The following MAT1A variants were observed in gnomAD, a reference collection of about 807,000 sequenced individuals.
MAT1A encodes the protein S-adenosylmethionine synthase isoform type-1.
In MAT1A, 19 loss-of-function variants were observed where a neutral mutation model predicts 44.0. That is an observed-to-expected ratio of 0.43 (90% confidence interval 0.30 to 0.63). The LOEUF (loss-of-function observed/expected upper bound fraction) is 0.63. Ranked by LOEUF, MAT1A falls within the 30% of genes least tolerant of loss-of-function variation. The probability of loss-of-function intolerance (pLI) is 0.12; values close to 1 mark genes in which losing one functional copy is unlikely to be tolerated. For synonymous variants in MAT1A, 205 were observed against 205.6 expected (o/e 1.00, Z 0.03); for missense variants, 397 against 531.0 (o/e 0.75, Z 2.48).
At chr10:80,278,882 C>G (rs1841523868) in intron 5 of MAT1A, among the ~76,000 whole-genome samples, 1 of 152,112 alleles carries the variant, frequency 6.6e-6, no homozygotes, top group Admixed American at 6.5e-5. Flanking sequence ...GGATGGCATC[C>G]CAAAAGAGGT....
intron 5 of MAT1A, among the ~76,000 whole-genome samples, chr10:80,278,933 A>C (rs1199766632): frequency 6.6e-6 from 1 of 152,244 alleles, no homozygotes; most frequent in Non-Finnish European, 1.5e-5. Flanking sequence ...AAGACCAGAG[A>C]GGGAGCTCAG....
rs150917858 is a variant in MAT1A at position 80,283,483 on chromosome 10, C to T, written c.292+433G>A. 3.9e-5 allele frequency among the ~76,000 whole-genome samples: 6 copies of T among 152,366 alleles called. No individual in the cohort carries two copies. In the East Asian group the frequency reaches 7.7e-4, roughly 20 times the overall value. On this transcript the variant is annotated intron_variant, in intron 3 of 8. Coordinates refer to ENST00000372213, the MANE Select transcript of MAT1A (RefSeq NM_000429.3). Reference sequence around the variant, plus strand: ...GTCCTCAGCCTAGTGGCTGCTTACCCTGTGATCTCACACAGACTGTTTACC... The same window carrying T: ...GTCCTCAGCCTAGTGGCTGCTTACCTTGTGATCTCACACAGACTGTTTACC...
intron 1 of MAT1A, among the ~76,000 whole-genome samples, 199 bp from the exon 2 acceptor site, chr10:80,285,788 C>T (rs190927365): frequency 7.9e-5 from 12 of 151,464 alleles, no homozygotes; most frequent in East Asian, 5.8e-4. Flanking sequence ...TTGGATGACA[C>T]GTATTATATA....
chr10:80,280,816 A>G, intron 3 of MAT1A, 24 bp from the exon 4 acceptor site: 2 of 1,570,954 alleles, frequency 1.3e-6, no homozygotes, highest in Non-Finnish European at 1.8e-6. Context: ...AAGTGAGCCT[A>G]AGTGGGGAAC....
chr10:80,280,620 C>A, intron 4 of MAT1A, 60 bp downstream of exon 4: 1 of 1,435,724 alleles, frequency 7.0e-7, no homozygotes. Flanking sequence ...GATTAACCCA[C>A]TGCTCATGAA....
intron 4 of MAT1A, 38 bp from the exon 5 acceptor site, chr10:80,280,354 G>C (rs1841548713): frequency 6.2e-7 from 1 of 1,611,752 alleles, no homozygotes; most frequent in East Asian, 2.2e-5. Context: ...GCCCACCCTA[G>C]ACCAAGAGGA....
At chr10:80,283,628 G>C (rs571703916) in intron 3 of MAT1A, among the ~76,000 whole-genome samples, 76 of 152,394 alleles carry the variant, frequency 5.0e-4, no homozygotes, top group Admixed American at 7.8e-4. Context: ...CCTTTATTCA[G>C]TGCATCTTTC....
Position 80,274,606 on chromosome 10 carries a change from G to A in MAT1A, c.999C>T (p.Phe333=). ...GVAEPLSISI[F]TYGTSQKTER... is the part of the protein sequence containing the mutation. Reference sequence around the variant, plus strand: ...CTGTCTTCTGAGAGGTTCCGTAGGTGAAGATGGAAATGGACAGCGGCTCGG... The same window carrying A: ...CTGTCTTCTGAGAGGTTCCGTAGGTAAAGATGGAAATGGACAGCGGCTCGG... The change falls in exon 8 of 9, where the codon TTC becomes TTT. Residue 333 remains phenylalanine, a synonymous_variant. Transcript: ENST00000372213. 1.2e-6 allele frequency: 2 copies of A among 1,614,222 alleles called. No homozygotes were observed. Among genetic ancestry groups the A allele is most frequent in the Non-Finnish European group, 1.7e-6 (2 of 1,180,044 alleles).
intron 7 of MAT1A, 53 bp downstream of exon 7, chr10:80,274,964 C>G (rs562019467): frequency 1.3e-6 from 2 of 1,537,072 alleles, no homozygotes; most frequent in South Asian, 1.2e-5. Context: ...CAGGGCAGAA[C>G]TGGGCAGGGG....
rs574626459 is a variant in MAT1A at position 80,280,566 on chromosome 10, C to T, written c.405+114G>A. The T allele has an allele frequency of 5.6e-4, 610 of 1,088,220 alleles. 3 individuals carry two copies. Among genetic ancestry groups the T allele is most frequent in the African/African-American group, 2.8e-3 (182 of 64,920 alleles). The allele number at this position is 1,088,220 out of a possible 1,614,324, so 67.4% of individuals were successfully genotyped here. A position where few individuals can be genotyped will look rare whatever the true frequency, so the allele number is the denominator to read the frequency against. On this transcript the variant is annotated intron_variant, in intron 4 of 8. Transcript: ENST00000372213. Reference sequence around the variant, plus strand: ...GGCCGTGAAGCTGGGGTTCCCAACTCGCTCCTGGCTATCGTGCTAGGACAA... The same window carrying T: ...GGCCGTGAAGCTGGGGTTCCCAACTTGCTCCTGGCTATCGTGCTAGGACAA...
At chr10:80,280,828 G>C in intron 3 of MAT1A, 36 bp from the exon 4 acceptor site, 1 of 1,504,036 alleles carries the variant, frequency 6.6e-7, no homozygotes, top group Non-Finnish European at 9.3e-7. Context: ...GTGGGGAACA[G>C]GTCAGAAGGA....
chr10:80,289,255 T>G lies in MAT1A; in HGVS notation c.91+78A>C, dbSNP rs561254368. The G allele has an allele frequency of 2.6e-6, 3 of 1,169,802 alleles. No individual in the cohort carries two copies. In the African/African-American group the frequency reaches 4.5e-5, roughly 18 times the overall value. The allele number at this position is 1,169,802 out of a possible 1,614,324, so 72.5% of individuals were successfully genotyped here. ...TATGCACAATTATTATGTGTCAAAT[T>G]AAAACCATTTGTAAGTGACTCCCTC... On this transcript the variant is annotated intron_variant, in intron 1 of 8. Coordinates refer to ENST00000372213, the MANE Select transcript of MAT1A (RefSeq NM_000429.3).
In MAT1A at chr10:80,273,777, G is replaced by A. The variant is rs1353280208; in HGVS notation, c.*4C>T. ...GGTGAGACCAGGCCCAGCTCCCCCT[G>A]GCTCTAAAATACAAGCTTCCTGGGA... On this transcript the variant is annotated 3_prime_UTR_variant, in exon 9 of 9. Transcript: ENST00000372213. The A allele has an allele frequency of 6.2e-7, 1 of 1,605,086 alleles. No homozygotes were observed. The highest frequency in any genetic ancestry group is 1.7e-5 in the Admixed American group (1 of 60,002).
chr10:80,278,082 G>A (rs1841514745), intron 5 of MAT1A, among the ~76,000 whole-genome samples: 1 of 152,206 alleles, frequency 6.6e-6, no homozygotes, highest in South Asian at 2.1e-4. Context: ...AAGCCAGGCT[G>A]TTCGCAGGCC....
In MAT1A at chr10:80,274,595, G is replaced by T. The variant is rs761520041; in HGVS notation, c.1010C>A (p.Thr337Asn). Residue 337 changes from threonine (T) to asparagine (N), a missense_variant, in exon 8 of 9, where the codon ACC becomes AAC. Thr to Asn is a moderately conservative substitution (Grantham distance 65). Transcript: ENST00000372213. ...PLSISIFTYG[T>N]SQKTERELLD... is the part of the protein sequence containing the mutation. ...CAGCTCTCGCTCTGTCTTCTGAGAG[G>T]TTCCGTAGGTGAAGATGGAAATGGA... The T allele has an allele frequency of 4.3e-6, 7 of 1,614,098 alleles. No homozygotes were observed. Among genetic ancestry groups the T allele is most frequent in the Non-Finnish European group, 5.9e-6 (7 of 1,180,046 alleles).
Position 80,273,523 on chromosome 10 carries a change from T to TAA in MAT1A, c.*256_*257dup. The TAA allele has an allele frequency of 2.0e-6, 1 of 491,124 alleles. No homozygotes were observed. Among genetic ancestry groups the TAA allele is most frequent in the Non-Finnish European group, 3.7e-6 (1 of 267,862 alleles). 30.4% of individuals were successfully genotyped at this position (491,124 alleles called of 1,614,324 possible). On this transcript the variant is annotated 3_prime_UTR_variant, in exon 9 of 9. Coordinates refer to ENST00000372213, the MANE Select transcript of MAT1A (RefSeq NM_000429.3). Reference sequence around the variant, plus strand: ...CTCTTGACGGGGGTGCCTTTTCCACTAAATTAACATTGCCCCAGTCTGAGG... The same window carrying TAA: ...CTCTTGACGGGGGTGCCTTTTCCACTAAAAATTAACATTGCCCCAGTCTGAGG...
intron 5 of MAT1A, among the ~76,000 whole-genome samples, chr10:80,278,341 A>G (rs987130109): frequency 2.0e-5 from 3 of 148,934 alleles, no homozygotes; most frequent in African/African-American, 7.4e-5. Context: ...CAGCAGGTCC[A>G]GTAGGTGGTC....
intron 5 of MAT1A, among the ~76,000 whole-genome samples, chr10:80,277,620 G>C (rs947035385): frequency 6.6e-6 from 1 of 152,220 alleles, no homozygotes; most frequent in African/African-American, 2.4e-5. Flanking sequence ...AAGAGGCACT[G>C]TCTGTGGCAG....
At position 80,280,791 on chromosome 10, in the gene MAT1A, G is replaced by A; in HGVS notation, c.294C>T (p.Gly98=). The A allele has an allele frequency of 6.2e-7, 1 of 1,613,400 alleles. No individual in the cohort carries two copies. Among genetic ancestry groups the A allele is most frequent in the Non-Finnish European group, 8.5e-7 (1 of 1,179,304 alleles). Residue 98 remains glycine, a splice_region_variant and synonymous_variant, in exon 4 of 9, where the codon GGC becomes GGT. Transcript: ENST00000372213. ...GCACGTTGCAAGTCTTGAAGTCAAA[G>A]CCTAGGCGGAAGCAAAGTGAGCCTA... The part of the protein sequence containing the change: ...KHIGYDDSAK[G]FDFKTCNVLV...
Sources: allele counts gnomAD v4.1 joint callset (sites outside exome capture counted in the v4.1 genomes callset), GRCh38; gene constraint gnomAD v4.1.1; transcripts MANE v1.5; gene names NCBI Gene and HGNC (gene_info 2026-07-23, HGNC 2026-07-21).